AP4E1: variants seen among roughly 807,000 people sequenced by gnomAD.
AP4E1 encodes the protein AP-4 complex subunit epsilon-1.
Under a neutral mutation model 128.2 loss-of-function variants are expected in AP4E1, and 56 were observed. The observed-to-expected ratio is 0.44, with a 90% CI of 0.35 to 0.55. AP4E1 has a LOEUF of 0.55. Ranked by LOEUF, AP4E1 falls within the 20% of genes least tolerant of loss-of-function variation. The pLI, the probability that AP4E1 is intolerant of heterozygous loss-of-function variation, is 0.00. For missense variants in AP4E1, 1,324 were observed against 1,307.7 expected (o/e 1.01, Z -0.19); for synonymous variants, 484 against 473.1 (o/e 1.02, Z -0.30).
chr15:50,923,901 G>A (rs772262339), intron 3 of AP4E1, 30 bp from the exon 4 acceptor site: 3 of 1,541,026 alleles, frequency 1.9e-6, no homozygotes, highest in Admixed American at 1.7e-5. Flanking sequence ...TTGGTAGTTA[G>A]TAATCAGACT....
Position 50,968,151 on chromosome 15 carries a change from T to G in AP4E1, c.1852-112T>G. 2 of 775,088 alleles carry G rather than the reference T, an allele frequency of 2.6e-6. 1 individual carries two copies. Among genetic ancestry groups the G allele is most frequent in the Admixed American group, 5.1e-5 (2 of 39,108 alleles). The allele number at this position is 775,088 out of a possible 1,614,324, so 48.0% of individuals were successfully genotyped here. A position where few individuals can be genotyped will look rare whatever the true frequency, so the allele number is the denominator to read the frequency against. ...GCATTTTTAGAACTGAAGTTTTCAT[T>G]TCTCATTTAGAATTTTAAAAAATAT... On this transcript the variant is annotated intron_variant, in intron 14 of 20. Transcript: ENST00000261842.
At chr15:50,912,553 T>C (rs2063578115) in intron 2 of AP4E1, among the ~76,000 whole-genome samples, 1 of 152,236 alleles carries the variant, frequency 6.6e-6, no homozygotes, top group Non-Finnish European at 1.5e-5. Context: ...CTACATAATC[T>C]GATTTTTCAA....
At chr15:50,932,331 T>C (rs373941047) in intron 7 of AP4E1, among the ~76,000 whole-genome samples, 1 of 152,216 alleles carries the variant, frequency 6.6e-6, no homozygotes, top group Non-Finnish European at 1.5e-5. Flanking sequence ...CTAAGGACAG[T>C]ACAAGGAGTT....
chr15:50,909,789 G>A (rs541993634), intron 1 of AP4E1, among the ~76,000 whole-genome samples: 3 of 152,030 alleles, frequency 2.0e-5, no homozygotes, highest in Non-Finnish European at 2.9e-5. Context: ...CCGGGTTCAC[G>A]CCATTCTCCT....
intron 8 of AP4E1, 47 bp from the exon 9 acceptor site, chr15:50,941,395 G>C (rs1477184007): frequency 1.3e-6 from 2 of 1,594,602 alleles, no homozygotes; most frequent in African/African-American, 2.7e-5. Flanking sequence ...ACATTGTTTT[G>C]TTATACCTTA....
At chr15:50,936,884 G>A (rs2063914765) in intron 8 of AP4E1, among the ~76,000 whole-genome samples, 3 of 152,034 alleles carry the variant, frequency 2.0e-5, no homozygotes. Context: ...AGGTTACAGT[G>A]AGCCAAGATC....
At chr15:50,940,336 G>T (rs2063967478) in intron 8 of AP4E1, among the ~76,000 whole-genome samples, 1 of 151,986 alleles carries the variant, frequency 6.6e-6, no homozygotes, top group South Asian at 2.1e-4. Context: ...TATAGAAGAG[G>T]TTTAAAATTT....
At chr15:50,975,963 A>ATT (rs1336523890) in intron 15 of AP4E1, among the ~76,000 whole-genome samples, 1 of 151,818 alleles carries the variant, frequency 6.6e-6, no homozygotes, top group Non-Finnish European at 1.5e-5. Flanking sequence ...GGACAGAGAG[A>ATT]GAGAGAGAGA....
In AP4E1 at chr15:50,930,880, C is replaced by G; in HGVS notation, c.778C>G (p.Pro260Ala). The change falls in exon 7 of 21, where the codon CCA (proline) becomes GCA (alanine). Residue 260 changes from proline (P) to alanine (A), a missense_variant. By Grantham distance (27) the Pro-to-Ala change is conservative. Coordinates refer to ENST00000261842, the MANE Select transcript of AP4E1 (RefSeq NM_007347.5). Reference sequence around the variant, plus strand: ...GAAGCAAGTAGTTGGAGGAAAGCTCCCAGTAGAATTCAATTACCACAGTGT... The same window carrying G: ...GAAGCAAGTAGTTGGAGGAAAGCTCGCAGTAGAATTCAATTACCACAGTGT... ...ILKQVVGGKL[P>A]VEFNYHSVPA... is the part of the protein sequence containing the mutation. 1.9e-6 allele frequency: 3 copies of G among 1,613,952 alleles called. No homozygotes were observed. The highest frequency in any genetic ancestry group is 2.5e-6 in the Non-Finnish European group (3 of 1,179,998).
At chr15:50,982,672 T>C (rs902358996) in intron 15 of AP4E1, among the ~76,000 whole-genome samples, 1 of 151,228 alleles carries the variant, frequency 6.6e-6, no homozygotes, top group African/African-American at 2.4e-5. Context: ...CAGAACACAG[T>C]TCTCCTGATC....
At chr15:50,949,781 A>G in intron 11 of AP4E1, 45 bp from the exon 12 acceptor site, 2 of 1,410,032 alleles carry the variant, frequency 1.4e-6, no homozygotes, top group African/African-American at 1.4e-5. Flanking sequence ...GGTAATTTTA[A>G]TAAGTAGCAT....
chr15:50,924,590 A>G (rs1409443808), intron 4 of AP4E1, among the ~76,000 whole-genome samples: 1 of 152,146 alleles, frequency 6.6e-6, no homozygotes, highest in Non-Finnish European at 1.5e-5. Flanking sequence ...TTTAAGTCAT[A>G]TACTATATTA....
At chr15:50,953,173 C>G (rs2064174122) in intron 13 of AP4E1, among the ~76,000 whole-genome samples, 1 of 152,170 alleles carries the variant, frequency 6.6e-6, no homozygotes, top group African/African-American at 2.4e-5. Context: ...ATATCTTTTC[C>G]TCAGCTATCT....
At chr15:50,973,264 T>C (rs2064507429) in intron 15 of AP4E1, among the ~76,000 whole-genome samples, 1 of 152,236 alleles carries the variant, frequency 6.6e-6, no homozygotes, top group Non-Finnish European at 1.5e-5. Context: ...GTGCTAGGCA[T>C]ATTGAGTTAA....
intron 15 of AP4E1, among the ~76,000 whole-genome samples, chr15:50,981,143 A>G (rs1292446519): frequency 1.3e-5 from 2 of 152,112 alleles, no homozygotes; most frequent in South Asian, 2.1e-4. Flanking sequence ...TCAGCCTGGG[A>G]AAGTTGCAGG....
At chr15:50,915,010 ATTT>A (rs1193361757) in intron 2 of AP4E1, among the ~76,000 whole-genome samples, 1 of 152,160 alleles carries the variant, frequency 6.6e-6, no homozygotes, top group East Asian at 1.9e-4. Context: ...TGTGAAAAAT[ATTT>A]TTGTTACAGG....
At chr15:50,950,234 A>G (rs985815055) in intron 13 of AP4E1, 65 bp downstream of exon 13, 18 of 1,169,076 alleles carry the variant, frequency 1.5e-5, no homozygotes, top group Non-Finnish European at 2.2e-5. Flanking sequence ...ATGTTAACAT[A>G]TTTTCTTCAG....
At chr15:50,911,274 T>C (rs2063563602) in intron 1 of AP4E1, among the ~76,000 whole-genome samples, 1 of 152,060 alleles carries the variant, frequency 6.6e-6, no homozygotes, top group African/African-American at 2.4e-5. Context: ...GTGTCTGAGA[T>C]AGGAAGTTAT....
chr15:50,957,933 A>G (rs776129408), intron 13 of AP4E1, among the ~76,000 whole-genome samples: 3 of 151,842 alleles, frequency 2.0e-5, no homozygotes, highest in Admixed American at 6.6e-5. Flanking sequence ...CGGCCTCCCA[A>G]AGTGCTGGGA....
Sources: gnomAD v4.1 joint callset for allele counts (sites outside exome capture counted in the v4.1 genomes callset) on GRCh38, gnomAD v4.1.1 for gene constraint, MANE v1.5 for transcripts, NCBI Gene and HGNC (gene_info 2026-07-23, HGNC 2026-07-21) for gene names.